The following SMARCC1 variants were observed in gnomAD, a reference collection of about 807,000 sequenced individuals.
SMARCC1 encodes SWI/SNF complex subunit SMARCC1.
Under a neutral mutation model 147.4 loss-of-function variants are expected in SMARCC1, and 43 were observed. That is an observed-to-expected ratio of 0.29 (90% confidence interval 0.23 to 0.38). The LOEUF is 0.38. SMARCC1 is among the 10% of genes least tolerant of loss of function. The pLI, the probability that SMARCC1 is intolerant of heterozygous loss-of-function variation, is 1.00. For missense variants in SMARCC1, 1,119 were observed against 1,381.1 expected (o/e 0.81, Z 3.01); for synonymous variants, 495 against 484.4 (o/e 1.02, Z -0.29).
intron 25 of SMARCC1, among the ~76,000 whole-genome samples, chr3:47,620,066 T>C (rs1012833966): frequency 2.6e-5 from 4 of 152,208 alleles, no homozygotes; most frequent in East Asian, 3.8e-4. Context: ...CTCATGTAGA[T>C]AAAAAAGTCA....
At chr3:47,626,298 C>T (rs765046872) in intron 24 of SMARCC1, among the ~76,000 whole-genome samples, 1 of 151,760 alleles carries the variant, frequency 6.6e-6, no homozygotes, top group South Asian at 2.1e-4. Context: ...AGGCGCCCGC[C>T]ACCAAGCCCG....
intron 27 of SMARCC1, among the ~76,000 whole-genome samples, chr3:47,588,793 C>G (rs1410959369): frequency 6.8e-6 from 1 of 147,192 alleles, no homozygotes; most frequent in Non-Finnish European, 1.5e-5. Context: ...CCACCAGGGC[C>G]AGAGAGCTTC....
At chr3:47,775,741 G>A (rs1296096999) in intron 1 of SMARCC1, among the ~76,000 whole-genome samples, 3 of 152,062 alleles carry the variant, frequency 2.0e-5, no homozygotes, top group East Asian at 2.0e-4. Context: ...TCGTGCCACC[G>A]CACTCCAGCC....
chr3:47,741,542 A>G (rs1487433533), intron 3 of SMARCC1, among the ~76,000 whole-genome samples: 1 of 151,286 alleles, frequency 6.6e-6, no homozygotes, highest in Non-Finnish European at 1.5e-5. Context: ...ACCATCCAAG[A>G]AAGCAAGAAC....
intron 2 of SMARCC1, among the ~76,000 whole-genome samples, chr3:47,753,612 G>T (rs2034653964): frequency 6.7e-6 from 1 of 148,408 alleles, no homozygotes; most frequent in Admixed American, 6.9e-5. Flanking sequence ...TACTCGAGAG[G>T]CTGAGGCAGG....
intron 21 of SMARCC1, among the ~76,000 whole-genome samples, chr3:47,641,975 G>T (rs916613345): frequency 2.0e-5 from 3 of 152,034 alleles, no homozygotes; most frequent in African/African-American, 4.8e-5. Context: ...TAGTTTCACC[G>T]TAATGCTCAG....
intron 5 of SMARCC1, among the ~76,000 whole-genome samples, chr3:47,735,548 T>C (rs1169052913): frequency 1.3e-5 from 2 of 151,802 alleles, no homozygotes; most frequent in African/African-American, 4.8e-5. Context: ...GGTGGGGAGA[T>C]CACTCGAGGT....
At chr3:47,661,995 C>CTTT (rs11336122) in intron 20 of SMARCC1, among the ~76,000 whole-genome samples, 3 of 142,438 alleles carry the variant, frequency 2.1e-5, no homozygotes, top group African/African-American at 7.7e-5. Flanking sequence ...TTTTGTAATA[C>CTTT]TTTTTTTTTT....
rs999644304 is a variant in SMARCC1, at chr3:47,781,860, TCCCGCGCGCACC to T, written c.-75_-64del. Reference sequence around the variant, plus strand: ...GGCCCTCGCGGTGTTTCCCGGTCGTTCCCGCGCGCACCCCCGCGCGCGTAGCCGCCACTGCCG... The same window carrying T: ...GGCCCTCGCGGTGTTTCCCGGTCGTTCCCGCGCGCGTAGCCGCCACTGCCG... On this transcript the variant is annotated 5_prime_UTR_variant, in exon 1 of 28. Transcript: ENST00000254480. 5 of 1,149,762 alleles carry T rather than the reference TCCCGCGCGCACC, an allele frequency of 4.3e-6. No homozygotes were observed. Among genetic ancestry groups the T allele is most frequent in the African/African-American group, 3.3e-5 (2 of 61,276 alleles). The allele number at this position is 1,149,762 out of a possible 1,614,324, so 71.2% of individuals were successfully genotyped here.
intron 10 of SMARCC1, 67 bp downstream of exon 10, chr3:47,706,342 G>T: frequency 7.1e-7 from 1 of 1,401,324 alleles, no homozygotes; most frequent in African/African-American, 1.5e-5. Context: ...AAAGTGCTGG[G>T]ATTATAAGTG....
chr3:47,717,542 T>C (rs1021461979), intron 7 of SMARCC1, among the ~76,000 whole-genome samples: 1 of 152,206 alleles, frequency 6.6e-6, no homozygotes, highest in African/African-American at 2.4e-5. Flanking sequence ...TCGTGTCATT[T>C]AATTGACAAC....
At position 47,587,918 on chromosome 3, in the gene SMARCC1, CAGAG is replaced by C; in HGVS notation, c.*287_*290del. On this transcript the variant is annotated 3_prime_UTR_variant, in exon 28 of 28. Transcript: ENST00000254480. Reference sequence around the variant, plus strand: ...AGCATGCTAAAGTTGACAGGACCTGCAGAGAAACTGTCAGCTTACTCCCACACCA... The same window carrying C: ...AGCATGCTAAAGTTGACAGGACCTGCAAACTGTCAGCTTACTCCCACACCA... 1 of 401,188 alleles carries C rather than the reference CAGAG, an allele frequency of 2.5e-6. No homozygotes were observed. The highest frequency in any genetic ancestry group is 4.5e-6 in the Non-Finnish European group (1 of 223,660). 24.9% of individuals were successfully genotyped at this position (401,188 alleles called of 1,614,324 possible). A position where few individuals can be genotyped will look rare whatever the true frequency, so the allele number is the denominator to read the frequency against.
intron 2 of SMARCC1, among the ~76,000 whole-genome samples, chr3:47,755,587 G>A (rs1278658059): frequency 6.6e-6 from 1 of 151,840 alleles, no homozygotes; most frequent in Non-Finnish European, 1.5e-5. Flanking sequence ...GGCCAGGCAC[G>A]GTGGCTCATG....
chr3:47,693,834 T>C (rs2033818405), intron 11 of SMARCC1, among the ~76,000 whole-genome samples: 1 of 152,150 alleles, frequency 6.6e-6, no homozygotes, highest in Non-Finnish European at 1.5e-5. Context: ...AGTTAATTTT[T>C]GTATTTTTTA....
chr3:47,694,634 G>A (rs917047997), intron 11 of SMARCC1, among the ~76,000 whole-genome samples: 44 of 152,194 alleles, frequency 2.9e-4, no homozygotes, highest in Admixed American at 2.9e-3. Context: ...CAGCCAAATT[G>A]CATTGAATGT....
At chr3:47,653,042 C>A (rs556674786) in intron 21 of SMARCC1, among the ~76,000 whole-genome samples, 2 of 151,682 alleles carry the variant, frequency 1.3e-5, no homozygotes, top group East Asian at 3.9e-4. Flanking sequence ...CTGCAAGCTC[C>A]GCTTCCCGGG....
At chr3:47,635,017 C>T (rs1282689188) in intron 24 of SMARCC1, among the ~76,000 whole-genome samples, 173 bp downstream of exon 24, 1 of 152,228 alleles carries the variant, frequency 6.6e-6, no homozygotes, top group Admixed American at 6.5e-5. Context: ...ACTGGATCTA[C>T]TATTTCTATA....
intron 6 of SMARCC1, among the ~76,000 whole-genome samples, chr3:47,728,548 C>T (rs1196636026): frequency 6.6e-6 from 1 of 152,084 alleles, no homozygotes; most frequent in South Asian, 2.1e-4. Flanking sequence ...GATTTCTAAC[C>T]TTTCTCCTTT....
chr3:47,664,389 C>G (rs1449759918), intron 19 of SMARCC1, among the ~76,000 whole-genome samples: 2 of 152,094 alleles, frequency 1.3e-5, no homozygotes, highest in Non-Finnish European at 2.9e-5. Flanking sequence ...ACTACAGATT[C>G]AATACAATTC....
Sources: gnomAD v4.1 joint callset for allele counts (sites outside exome capture counted in the v4.1 genomes callset) on GRCh38, gnomAD v4.1.1 for gene constraint, MANE v1.5 for transcripts, NCBI Gene and HGNC (gene_info 2026-07-23, HGNC 2026-07-21) for gene names.